The following CNTN6 variants were observed in gnomAD, a reference collection of about 807,000 sequenced individuals.
CNTN6 encodes contactin 6.
CNTN6 carries 137 observed loss-of-function variants against 122.8 expected under a neutral mutation model. That is an observed-to-expected ratio of 1.12 (90% confidence interval 0.97 to 1.29). The LOEUF (loss-of-function observed/expected upper bound fraction) is 1.29, where lower values mean the gene tolerates loss of function less well. CNTN6 is among the 50% of genes most tolerant of loss of function. The pLI, the probability that CNTN6 is intolerant of heterozygous loss-of-function variation, is 0.00. For synonymous variants in CNTN6, 570 were observed against 426.0 expected (o/e 1.34, Z -4.16); for missense variants, 1,634 against 1,223.4 (o/e 1.34, Z -5.01).
intron 1 of CNTN6, among the ~76,000 whole-genome samples, chr3:1,098,275 G>A (rs1431544422): frequency 6.6e-6 from 1 of 151,724 alleles, no homozygotes; most frequent in East Asian, 1.9e-4. Context: ...AAGAGAAAGG[G>A]TATATTTGAT....
chr3:1,103,104 TC>T (rs2091034557), intron 1 of CNTN6, among the ~76,000 whole-genome samples: 1 of 152,000 alleles, frequency 6.6e-6, no homozygotes. Flanking sequence ...AGACTCCGTC[TC>T]AAAAAATAAA....
Position 1,313,173 on chromosome 3 carries a change from A to G in CNTN6, c.762-8477A>G, listed in dbSNP as rs1385274185. Among the ~76,000 whole-genome samples the G allele has an allele frequency of 2.6e-5, 4 of 152,230 alleles. No individual in the cohort carries two copies. In the East Asian group the frequency reaches 7.7e-4, roughly 29 times the overall value. ...CTAAGAGCAGCAGAGGTATTTATCG[A>G]GGCTTAGTATTATTTATTAATAAAA... is the stretch of plus-strand genomic sequence containing the variant. On this transcript the variant is annotated intron_variant, in intron 7 of 22. Coordinates refer to ENST00000446702, the MANE Select transcript of CNTN6 (RefSeq NM_001289080.2).
chr3:1,144,970 T>C (rs7640516), intron 1 of CNTN6, among the ~76,000 whole-genome samples: 87,587 of 151,896 alleles, frequency 0.58, 25,693 homozygotes, highest in African/African-American at 0.68. Flanking sequence ...GTATTTTAAA[T>C]AATTTTCTAG....
chr3:1,143,581 G>A (rs1006399643), intron 1 of CNTN6, among the ~76,000 whole-genome samples: 6 of 152,076 alleles, frequency 3.9e-5, no homozygotes, highest in African/African-American at 1.2e-4. Context: ...ATTTCTACTC[G>A]ATTCTGCTGT....
chr3:1,276,257 T>G (rs1692340441), intron 4 of CNTN6, among the ~76,000 whole-genome samples: 1 of 152,222 alleles, frequency 6.6e-6, no homozygotes, highest in African/African-American at 2.4e-5. Flanking sequence ...AGTTTTTTAC[T>G]GTTGTTTTCT....
intron 1 of CNTN6, among the ~76,000 whole-genome samples, chr3:1,136,364 G>A (rs1488020887): frequency 6.6e-6 from 1 of 152,150 alleles, no homozygotes; most frequent in Non-Finnish European, 1.5e-5. Flanking sequence ...TTCCCAAAGT[G>A]TGTTCTGTGA....
chr3:1,218,175 C>A (rs1166568643), intron 2 of CNTN6, among the ~76,000 whole-genome samples: 1 of 151,922 alleles, frequency 6.6e-6, no homozygotes. Flanking sequence ...GGTGAGAAGG[C>A]CATACCTGTG....
intron 4 of CNTN6, among the ~76,000 whole-genome samples, chr3:1,234,324 G>A (rs1056389402): frequency 3.9e-5 from 6 of 151,998 alleles, no homozygotes; most frequent in Non-Finnish European, 8.8e-5. Context: ...CCTTGCAGAA[G>A]GATTCTAAGA....
Position 1,382,955 on chromosome 3 carries a change from A to T in CNTN6, c.2180A>T (p.Glu727Val), listed in dbSNP as rs1259774759. 6.2e-7 allele frequency: 1 copy of T among 1,613,384 alleles called. No individual in the cohort carries two copies. The highest frequency in any genetic ancestry group is 2.2e-5 in the East Asian group (1 of 44,878). ...ATTCTGCCCAAGTCAATTCCAGAAGAACTGCAGAATGGGGAGGGATTTGGA... is the reference window on the plus strand; with the variant it reads ...ATTCTGCCCAAGTCAATTCCAGAAGTACTGCAGAATGGGGAGGGATTTGGA... Reference protein sequence around the residue: ...LVITWESIPEELQNGEGFGYI... With the variant: ...LVITWESIPEVLQNGEGFGYI... The change falls in exon 18 of 23, where the codon GAA becomes GTA. Residue 727 changes from glutamate to valine, a missense_variant. By Grantham distance (121) the Glu-to-Val change is moderately radical. Transcript: ENST00000446702.
intron 4 of CNTN6, among the ~76,000 whole-genome samples, chr3:1,245,307 T>TAAC (rs372559966): frequency 2.0e-3 from 20 of 9,792 alleles, no homozygotes; most frequent in African/African-American, 4.6e-3. Context: ...TATATATATA[T>TAAC]ATATATATAT....
chr3:1,241,863 TA>T (rs1258336734), intron 4 of CNTN6, among the ~76,000 whole-genome samples: 2 of 152,178 alleles, frequency 1.3e-5, no homozygotes, highest in Non-Finnish European at 2.9e-5. Flanking sequence ...TGAAGGCCTC[TA>T]AAAGTATTAA....
chr3:1,270,894 T>TTGTG (rs112360048), intron 4 of CNTN6, among the ~76,000 whole-genome samples: 25,668 of 152,042 alleles, frequency 0.17, 2,499 homozygotes, highest in African/African-American at 0.27. Flanking sequence ...TACTTTGTCT[T>TTGTG]TGTTTGTTTG....
chr3:1,264,565 T>C (rs943180953), intron 4 of CNTN6, among the ~76,000 whole-genome samples: 1 of 151,680 alleles, frequency 6.6e-6, no homozygotes, highest in African/African-American at 2.4e-5. Context: ...TTTAAAATTA[T>C]TTTTAAATTT....
chr3:1,260,346 A>G (rs2094825442), intron 4 of CNTN6, among the ~76,000 whole-genome samples: 1 of 152,082 alleles, frequency 6.6e-6, no homozygotes, highest in Non-Finnish European at 1.5e-5. Context: ...CTTACTATGC[A>G]ACATAACACC....
intron 2 of CNTN6, among the ~76,000 whole-genome samples, chr3:1,197,103 G>C (rs1170646311): frequency 6.6e-6 from 1 of 152,144 alleles, no homozygotes; most frequent in African/African-American, 2.4e-5. Flanking sequence ...CTCTCCTCTT[G>C]ATTGCCCACG....
At chr3:1,275,478 C>T (rs1348053355) in intron 4 of CNTN6, among the ~76,000 whole-genome samples, 2 of 152,184 alleles carry the variant, frequency 1.3e-5, no homozygotes, top group Non-Finnish European at 2.9e-5. Flanking sequence ...ATCTGTGGTT[C>T]TCTACCTCTA....
At chr3:1,133,697 G>T (rs1158364866) in intron 1 of CNTN6, among the ~76,000 whole-genome samples, 1 of 152,146 alleles carries the variant, frequency 6.6e-6, no homozygotes, top group Non-Finnish European at 1.5e-5. Flanking sequence ...ATGCTGTCTT[G>T]GATATGTGAG....
At chr3:1,191,097 C>T (rs2093695535) in intron 2 of CNTN6, among the ~76,000 whole-genome samples, 1 of 152,128 alleles carries the variant, frequency 6.6e-6, no homozygotes, top group Non-Finnish European at 1.5e-5. Context: ...TACTGAGCTC[C>T]TAAAACTCTT....
chr3:1,347,296 C>G (rs575966625), intron 11 of CNTN6, among the ~76,000 whole-genome samples: 6 of 152,180 alleles, frequency 3.9e-5, no homozygotes, highest in African/African-American at 1.4e-4. Context: ...AATGCAAATG[C>G]TATAATCAGT....
Sources: gnomAD v4.1 joint callset for allele counts (sites outside exome capture counted in the v4.1 genomes callset) on GRCh38, gnomAD v4.1.1 for gene constraint, MANE v1.5 for transcripts, NCBI Gene and HGNC (gene_info 2026-07-23, HGNC 2026-07-21) for gene names.